Variants in ANO4 observed in about 807,000 individuals in gnomAD.
ANO4 encodes anoctamin 4, also known as anoctamin-4.
In ANO4, 69 loss-of-function variants were observed where a neutral mutation model predicts 141.9. The observed-to-expected ratio is 0.49, with a 90% CI of 0.40 to 0.59. ANO4 has a LOEUF of 0.59. ANO4 is among the 20% of genes least tolerant of loss of function. The pLI, the probability that ANO4 is intolerant of heterozygous loss-of-function variation, is 0.00. For synonymous variants in ANO4, 350 were observed against 394.3 expected, an observed-to-expected ratio of 0.89 and a Z score of 1.33; for missense variants, 894 against 1,162.2, an observed-to-expected ratio of 0.77 and a Z score of 3.36.
At chr12:100,934,375 T>TG in intron 3 of ANO4, among the ~76,000 whole-genome samples, 1 of 152,366 alleles carries the variant, frequency 6.6e-6, no homozygotes, top group East Asian at 1.9e-4. Context: ...CGTTTCTTGT[T>TG]TTTGTCAGGT....
In ANO4 at chr12:100,990,014, T is replaced by G. The variant is rs144350333; in HGVS notation, c.734+2344T>G. Reference sequence around the variant, plus strand: ...ATGGATGGATGGATGGATGGATGGATGGATGGATGGACAGATGGATGAATA... The same window carrying G: ...ATGGATGGATGGATGGATGGATGGAGGGATGGATGGACAGATGGATGAATA... On this transcript the variant is annotated intron_variant, in intron 8 of 27. Coordinates refer to ENST00000392977, the MANE Select transcript of ANO4 (RefSeq NM_001286615.2). Among the ~76,000 whole-genome samples, 55 of 144,282 alleles carry G rather than the reference T, an allele frequency of 3.8e-4. No individual in the cohort carries two copies. The East Asian group carries it at 7.8e-3, about 20-fold the overall frequency. The allele number at this position is 144,282 out of a possible 152,430, so 94.7% of individuals were successfully genotyped here.
chr12:100,838,160 G>A (rs928446670), intron 1 of ANO4, among the ~76,000 whole-genome samples: 1 of 151,104 alleles, frequency 6.6e-6, no homozygotes, highest in Non-Finnish European at 1.5e-5. Context: ...AATCCAGGAG[G>A]TGGAGGATGC....
intron 1 of ANO4, among the ~76,000 whole-genome samples, chr12:100,844,937 A>G (rs1410717226): frequency 3.3e-5 from 5 of 152,082 alleles, no homozygotes; most frequent in Non-Finnish European, 5.9e-5. Context: ...GTGGGTAGAG[A>G]AAGAGGATGT....
chr12:101,035,201 C>T (rs1234231527), intron 9 of ANO4, among the ~76,000 whole-genome samples: 1 of 152,100 alleles, frequency 6.6e-6, no homozygotes, highest in Non-Finnish European at 1.5e-5. Flanking sequence ...TGGAATACTA[C>T]TCAGCAATAA....
At chr12:100,958,258 G>C (rs1386720581) in intron 5 of ANO4, among the ~76,000 whole-genome samples, 2 of 152,240 alleles carry the variant, frequency 1.3e-5, no homozygotes. Flanking sequence ...ACAGGTACCA[G>C]AGAATGCTCA....
In ANO4 at chr12:100,781,856, C is replaced by T. The variant is rs1408887681; in HGVS notation, c.358+41751C>T. On this transcript the variant is annotated intron_variant, in intron 3 of 29. Transcript: ENST00000644049. ...AGACAAATTCAACTGTCTATCAGAG[C>T]TTCTTATCAGCATGAGATAATCAGT... Among the ~76,000 whole-genome samples, 5 of 152,158 alleles carry T rather than the reference C, an allele frequency of 3.3e-5. No homozygotes were observed. The East Asian group carries it at 9.6e-4, about 29-fold the overall frequency.
chr12:101,112,838 G>C (rs1221140552), intron 24 of ANO4, among the ~76,000 whole-genome samples: 1 of 152,206 alleles, frequency 6.6e-6, no homozygotes, highest in East Asian at 1.9e-4. Flanking sequence ...ACTACTATAA[G>C]CATGTGGCCA....
intron 13 of ANO4, among the ~76,000 whole-genome samples, chr12:101,047,727 T>C (rs994265530): frequency 1.3e-5 from 2 of 152,156 alleles, no homozygotes; most frequent in African/African-American, 2.4e-5. Flanking sequence ...TGCAATAGAA[T>C]ATATTATTCT....
chr12:100,788,101 A>G (rs1247146172), intron 3 of ANO4, among the ~76,000 whole-genome samples: 3 of 152,190 alleles, frequency 2.0e-5, no homozygotes, highest in African/African-American at 7.2e-5. Flanking sequence ...GGCTAGGCCA[A>G]TGAGAAAAGA....
At chr12:101,061,710 A>G (rs1490591374) in intron 14 of ANO4, among the ~76,000 whole-genome samples, 2 of 151,772 alleles carry the variant, frequency 1.3e-5, no homozygotes, top group Non-Finnish European at 2.9e-5. Flanking sequence ...CAAAGTTCTC[A>G]TGCTGTGTTT....
intron 5 of ANO4, among the ~76,000 whole-genome samples, chr12:100,966,917 A>G (rs912888050): frequency 2.6e-5 from 4 of 151,862 alleles, no homozygotes; most frequent in Non-Finnish European, 5.9e-5. Context: ...ACATATATAT[A>G]TGCATACACA....
chr12:101,012,598 A>C (rs1313325545), intron 8 of ANO4, among the ~76,000 whole-genome samples: 1 of 152,164 alleles, frequency 6.6e-6, no homozygotes, highest in Non-Finnish European at 1.5e-5. Context: ...GGAAGAAAGG[A>C]GATAAGGTCA....
At chr12:100,889,863 G>C (rs565338518) in intron 1 of ANO4, among the ~76,000 whole-genome samples, 3 of 152,038 alleles carry the variant, frequency 2.0e-5, no homozygotes, top group Non-Finnish European at 4.4e-5. Flanking sequence ...AGACAATAAG[G>C]ACTGACTGAA....
chr12:101,010,700 AAG>A (rs1393354791), intron 8 of ANO4, among the ~76,000 whole-genome samples: 3 of 152,226 alleles, frequency 2.0e-5, no homozygotes, highest in Non-Finnish European at 4.4e-5. Flanking sequence ...CTTGTTAAAA[AAG>A]AAATACCTAT....
chr12:100,942,288 T>C, intron 4 of ANO4, 89 bp from the exon 5 acceptor site: 1 of 1,470,836 alleles, frequency 6.8e-7, no homozygotes, highest in East Asian at 2.3e-5. Flanking sequence ...CTGAAAAAAG[T>C]TATTTAGTTT....
intron 2 of ANO4, among the ~76,000 whole-genome samples, chr12:100,920,172 G>A (rs2041565949): frequency 6.6e-6 from 1 of 151,886 alleles, no homozygotes; most frequent in African/African-American, 2.4e-5. Flanking sequence ...CATTTTACTG[G>A]GTTATGTTGG....
chr12:100,949,690 T>A (rs1391084062), intron 5 of ANO4, among the ~76,000 whole-genome samples: 5 of 152,220 alleles, frequency 3.3e-5, no homozygotes, highest in African/African-American at 1.2e-4. Flanking sequence ...GGTCATATAT[T>A]GTTACTGTGT....
At chr12:101,077,511 G>A (rs1464128) in intron 14 of ANO4, among the ~76,000 whole-genome samples, 107,938 of 151,986 alleles carry the variant, frequency 0.71, 39,600 homozygotes, top group African/African-American at 0.89. Flanking sequence ...ACACAGATAA[G>A]CACATATATT....
intron 22 of ANO4, among the ~76,000 whole-genome samples, chr12:101,100,197 T>C (rs1369934881): frequency 1.3e-5 from 2 of 152,320 alleles, no homozygotes; most frequent in Non-Finnish European, 2.9e-5. Context: ...TATTCTCTTA[T>C]TCTTTTTGTC....
Sources: gnomAD v4.1 joint callset for allele counts (sites outside exome capture counted in the v4.1 genomes callset) on GRCh38, gnomAD v4.1.1 for gene constraint, MANE v1.5 for transcripts, NCBI Gene and HGNC (gene_info 2026-07-23, HGNC 2026-07-21) for gene names.